URB2: variants seen among roughly 807,000 people sequenced by gnomAD.
URB2 encodes the protein unhealthy ribosome biogenesis protein 2 homolog.
A neutral mutation model predicts 120.9 loss-of-function variants in URB2; 86 were observed. The observed-to-expected ratio is 0.71, with a 90% CI of 0.60 to 0.85. URB2 has a LOEUF of 0.85. Ranked by LOEUF, URB2 falls within the 40% of genes least tolerant of loss-of-function variation. The pLI, the probability that URB2 is intolerant of heterozygous loss-of-function variation, is 0.00. For synonymous variants in URB2, 755 were observed against 758.4 expected (o/e 1.00, Z 0.07); for missense variants, 1,765 against 1,836.5 (o/e 0.96, Z 0.71).
intron 9 of URB2, among the ~76,000 whole-genome samples, chr1:229,657,687 A>G (rs1190835677): frequency 2.0e-5 from 3 of 152,126 alleles, no homozygotes; most frequent in South Asian, 4.1e-4. Flanking sequence ...ACGCCATTCT[A>G]CCTTCGGTCC....
chr1:229,627,560 T>C, intron 1 of URB2, 61 bp from the exon 2 acceptor site: 1 of 1,533,094 alleles, frequency 6.5e-7, no homozygotes, highest in Non-Finnish European at 8.8e-7. Flanking sequence ...GTTGGTTTTC[T>C]GGTGCCTGCT....
In URB2 at chr1:229,647,658, C is replaced by T; in HGVS notation, c.4055C>T (p.Thr1352Ile). The T allele has an allele frequency of 1.2e-6, 2 of 1,614,186 alleles. No individual in the cohort carries two copies. The highest frequency in any genetic ancestry group is 1.7e-6 in the Non-Finnish European group (2 of 1,180,040). Residue 1352 changes from threonine to isoleucine, a missense_variant, in exon 7 of 10, where the codon ACT becomes ATT. Coordinates refer to ENST00000258243, the MANE Select transcript of URB2 (RefSeq NM_014777.4). The part of the protein sequence containing the change: ...HVSLAFSILL[T>I]VPLDHLKPLE... ...AGCCTGGCCTTCAGCATCCTTCTCA[C>T]TGTCCCTTTGGACCATCTGAAGCCG...
intron 6 of URB2, among the ~76,000 whole-genome samples, chr1:229,647,150 A>G (rs1488985413): frequency 6.6e-6 from 1 of 152,196 alleles, no homozygotes; most frequent in Non-Finnish European, 1.5e-5. Context: ...GGGTCCGCAC[A>G]GCCAGAATAC....
At chr1:229,639,922 C>T (rs534565566) in intron 4 of URB2, among the ~76,000 whole-genome samples, 3 of 151,832 alleles carry the variant, frequency 2.0e-5, no homozygotes, top group Admixed American at 6.6e-5. Context: ...ACTATGCAGC[C>T]GTTAAAAATA....
Position 229,659,114 on chromosome 1 carries a change from A to G in URB2, c.4392A>G (p.Pro1464=), listed in dbSNP as rs955410470. 1 of 1,611,816 alleles carries G rather than the reference A, an allele frequency of 6.2e-7. No individual in the cohort carries two copies. Among genetic ancestry groups the G allele is most frequent in the Admixed American group, 1.7e-5 (1 of 60,002 alleles). The part of the protein sequence containing the change: ...VLEVQKVTLY[P]AVKSLLQEGI... ...TTTTTCCTCAGGTGACCTTATATCC[A>G]GCTGTGAAAAGTCTGCTGCAGGAGG... The change falls in exon 10 of 10, where the codon CCA becomes CCG. Residue 1464 remains proline, a synonymous_variant. Coordinates refer to ENST00000258243, the MANE Select transcript of URB2 (RefSeq NM_014777.4).
chr1:229,641,352 G>T (rs1222117802), intron 4 of URB2, among the ~76,000 whole-genome samples: 3 of 152,128 alleles, frequency 2.0e-5, no homozygotes, highest in Admixed American at 2.0e-4. Context: ...TATGTCCCTG[G>T]ACTGCTGGTA....
At chr1:229,641,187 A>G (rs1666004060) in intron 4 of URB2, among the ~76,000 whole-genome samples, 2 of 151,552 alleles carry the variant, frequency 1.3e-5, no homozygotes. Context: ...TAATTGTTGT[A>G]TTTTTAGTAG....
At chr1:229,654,084 CA>C (rs1666346549) in intron 8 of URB2, among the ~76,000 whole-genome samples, 164 bp from the exon 9 acceptor site, 2 of 152,012 alleles carry the variant, frequency 1.3e-5, no homozygotes, top group Admixed American at 1.3e-4. Context: ...ACTGTTTGGA[CA>C]TATCTGTTCT....
intron 7 of URB2, among the ~76,000 whole-genome samples, chr1:229,649,808 A>G (rs952054295): frequency 6.6e-6 from 1 of 152,186 alleles, no homozygotes; most frequent in African/African-American, 2.4e-5. Context: ...TTCAATCCTC[A>G]TGACAACCTA....
At chr1:229,651,114 A>T (rs1666260660) in intron 7 of URB2, 121 bp from the exon 8 acceptor site, 1 of 853,398 alleles carries the variant, frequency 1.2e-6, no homozygotes, top group African/African-American at 1.7e-5. Context: ...CTGGGCACAC[A>T]CAACTGGTTT....
rs751500106 is a variant in URB2 at position 229,636,820 on chromosome 1, C to T, written c.2207C>T (p.Pro736Leu). Residue 736 changes from proline (P) to leucine (L), a missense_variant, in exon 4 of 10, where the codon CCT becomes CTT. Pro to Leu is a moderately conservative substitution (Grantham distance 98). Transcript: ENST00000258243. The part of the protein sequence containing the change: ...QVGMVSGLTY[P>L]VAHWHLIVSN... ...GGGATGGTGAGTGGACTCACATACC[C>T]TGTAGCACACTGGCACTTGATTGTG... 3 of 1,612,106 alleles carry T rather than the reference C, an allele frequency of 1.9e-6. No individual in the cohort carries two copies. In the Admixed American group the frequency reaches 5.0e-5, roughly 27 times the overall value.
chr1:229,643,388 T>A (rs1345182813), intron 4 of URB2, 145 bp from the exon 5 acceptor site: 2 of 876,058 alleles, frequency 2.3e-6, no homozygotes, highest in Non-Finnish European at 3.5e-6. Context: ...GTGTACCTGC[T>A]TTTTCCACCA....
chr1:229,652,267 C>T (rs1325767607), intron 8 of URB2, among the ~76,000 whole-genome samples: 1 of 152,118 alleles, frequency 6.6e-6, no homozygotes, highest in African/African-American at 2.4e-5. Context: ...CATGTACCAG[C>T]CCTGTACTGT....
intron 7 of URB2, among the ~76,000 whole-genome samples, chr1:229,649,379 A>G (rs1666219634): frequency 6.6e-6 from 1 of 152,214 alleles, no homozygotes; most frequent in African/African-American, 2.4e-5. Flanking sequence ...ACTGTACAAT[A>G]TAAATGCAAT....
chr1:229,628,408 G>A (rs1295374104), intron 2 of URB2, among the ~76,000 whole-genome samples: 3 of 151,730 alleles, frequency 2.0e-5, no homozygotes, highest in Non-Finnish European at 4.4e-5. Flanking sequence ...GGGCGATAGA[G>A]CAAGACCTTG....
At chr1:229,646,813 T>C (rs1004628249) in intron 6 of URB2, among the ~76,000 whole-genome samples, 5 of 152,200 alleles carry the variant, frequency 3.3e-5, no homozygotes, top group Non-Finnish European at 7.3e-5. Context: ...AGGAGCAGTA[T>C]CTATTTTACC....
chr1:229,654,110 G>A, intron 8 of URB2, 139 bp from the exon 9 acceptor site: 1 of 1,225,890 alleles, frequency 8.2e-7, no homozygotes, highest in Non-Finnish European at 1.1e-6. Flanking sequence ...TATTCTGTCT[G>A]CAAAATAAGC....
At chr1:229,651,963 C>T (rs941073782) in intron 8 of URB2, among the ~76,000 whole-genome samples, 2 of 152,046 alleles carry the variant, frequency 1.3e-5, no homozygotes, top group African/African-American at 4.8e-5. Context: ...GGGTGGATTA[C>T]CTGAGGTCAG....
At chr1:229,642,491 C>G (rs1027670715) in intron 4 of URB2, among the ~76,000 whole-genome samples, 1 of 152,104 alleles carries the variant, frequency 6.6e-6, no homozygotes, top group Non-Finnish European at 1.5e-5. Context: ...GGTATTCTGG[C>G]AATGTGGAAT....
Sources: allele counts gnomAD v4.1 joint callset (sites outside exome capture counted in the v4.1 genomes callset), GRCh38; gene constraint gnomAD v4.1.1; transcripts MANE v1.5; gene names NCBI Gene and HGNC (gene_info 2026-07-23, HGNC 2026-07-21).